The following PTPRO variants were observed in gnomAD, a reference collection of about 807,000 sequenced individuals.
PTPRO encodes protein tyrosine phosphatase receptor type O, also known as receptor-type tyrosine-protein phosphatase O.
Under a neutral mutation model 145.2 loss-of-function variants are expected in PTPRO, and 62 were observed. The observed-to-expected ratio is 0.43, with a 90% CI of 0.35 to 0.53. The LOEUF (loss-of-function observed/expected upper bound fraction) is 0.53. Ranked by LOEUF, PTPRO falls within the 20% of genes least tolerant of loss-of-function variation. PTPRO has a pLI of 0.01. For missense variants in PTPRO, 1,345 were observed against 1,482.7 expected (o/e 0.91, Z 1.53); for synonymous variants, 565 against 514.7 (o/e 1.10, Z -1.32).
intron 7 of PTPRO, 80 bp from the exon 8 acceptor site, chr12:15,515,418 C>T (rs1942556122): frequency 1.3e-6 from 2 of 1,558,528 alleles, no homozygotes; most frequent in Non-Finnish European, 1.8e-6. Context: ...CAAAAAGAGT[C>T]TCTGAATATT....
intron 1 of PTPRO, among the ~76,000 whole-genome samples, chr12:15,352,660 AAAAAAAAAG>A (rs200325759): frequency 0.2 from 28,937 of 146,334 alleles, 3,124 homozygotes; most frequent in Non-Finnish European, 0.27. Flanking sequence ...AAAAAAAAAA[AAAAAAAAAG>A]AAAGAAAGAA....
chr12:15,413,082 C>A (rs973827176), intron 1 of PTPRO, among the ~76,000 whole-genome samples: 4 of 152,070 alleles, frequency 2.6e-5, no homozygotes, highest in Admixed American at 6.5e-5. Flanking sequence ...CGTGAGCCAC[C>A]ATGCCCGGCC....
At chr12:15,560,144 C>G in intron 16 of PTPRO, 49 bp from the exon 17 acceptor site, 2 of 1,373,310 alleles carry the variant, frequency 1.5e-6, no homozygotes, top group Non-Finnish European at 2.1e-6. Flanking sequence ...ATATTACTAA[C>G]TCTTGCAACT....
At chr12:15,357,004 G>A (rs571488053) in intron 1 of PTPRO, among the ~76,000 whole-genome samples, 64 of 152,258 alleles carry the variant, frequency 4.2e-4, no homozygotes, top group African/African-American at 1.5e-3. Flanking sequence ...CGCAGCCACT[G>A]TGGGGGTGGC....
intron 1 of PTPRO, among the ~76,000 whole-genome samples, chr12:15,331,281 A>G (rs776150919): frequency 6.6e-6 from 1 of 152,114 alleles, no homozygotes; most frequent in Non-Finnish European, 1.5e-5. Context: ...AAATATCTTT[A>G]TATTAGGAAA....
chr12:15,494,706 A>G (rs2136457558), intron 2 of PTPRO, among the ~76,000 whole-genome samples: 1 of 152,288 alleles, frequency 6.6e-6, no homozygotes, highest in South Asian at 2.1e-4. Flanking sequence ...GGAAAATAAA[A>G]TATCTGTTCT....
Position 15,497,691 on chromosome 12 carries a change from A to G in PTPRO, c.508+288A>G, listed in dbSNP as rs79334947. On this transcript the variant is annotated intron_variant, in intron 3 of 26. Transcript: ENST00000281171. ...AGGCAGCATGCCTGGTGCAGGAAAT[A>G]AATTCAGACTTAAGTTTAGAAGCAC... 4.4e-3 allele frequency among the ~76,000 whole-genome samples: 665 copies of G among 152,352 alleles called. 3 individuals are homozygous for G. Among genetic ancestry groups the G allele is most frequent in the African/African-American group, 0.015 (640 of 41,582 alleles).
intron 1 of PTPRO, among the ~76,000 whole-genome samples, chr12:15,405,546 T>C (rs1939624344): frequency 6.6e-6 from 1 of 152,196 alleles, no homozygotes. Flanking sequence ...CATTATTTTC[T>C]AATTACCTAT....
At chr12:15,484,863 C>T (rs747266227) in intron 2 of PTPRO, among the ~76,000 whole-genome samples, 1 of 152,088 alleles carries the variant, frequency 6.6e-6, no homozygotes, top group Non-Finnish European at 1.5e-5. Context: ...ATACTTTTAA[C>T]TCCATGTGAT....
intron 1 of PTPRO, among the ~76,000 whole-genome samples, chr12:15,408,367 C>T (rs982064247): frequency 6.6e-6 from 1 of 152,086 alleles, no homozygotes; most frequent in African/African-American, 2.4e-5. Flanking sequence ...TACCTTCTTT[C>T]TTTATGTCGT....
chr12:15,352,964 A>T (rs1220479327), intron 1 of PTPRO, among the ~76,000 whole-genome samples: 1 of 152,220 alleles, frequency 6.6e-6, no homozygotes, highest in Non-Finnish European at 1.5e-5. Flanking sequence ...CCCATTAATC[A>T]TCCGGAAAAT....
chr12:15,556,264 T>A (rs1034055244), intron 15 of PTPRO, among the ~76,000 whole-genome samples: 6 of 152,206 alleles, frequency 3.9e-5, no homozygotes, highest in Non-Finnish European at 8.8e-5. Flanking sequence ...ATTATATTAG[T>A]GTATTTTTCA....
At chr12:15,339,853 T>C (rs980646813) in intron 1 of PTPRO, among the ~76,000 whole-genome samples, 1 of 152,208 alleles carries the variant, frequency 6.6e-6, no homozygotes, top group Non-Finnish European at 1.5e-5. Context: ...TAAAACTACA[T>C]GTTGCTAGCC....
At chr12:15,414,486 T>C (rs981547990) in intron 1 of PTPRO, among the ~76,000 whole-genome samples, 1 of 152,182 alleles carries the variant, frequency 6.6e-6, no homozygotes, top group African/African-American at 2.4e-5. Flanking sequence ...TTTTTCTCCC[T>C]TGCCCTAGCT....
At chr12:15,479,757 G>A (rs10846183) in intron 1 of PTPRO, among the ~76,000 whole-genome samples, 131,455 of 152,166 alleles carry the variant, frequency 0.86, 58,507 homozygotes, top group South Asian at 0.97. Flanking sequence ...TAGCAGAGAG[G>A]AAGATTTCAG....
intron 1 of PTPRO, among the ~76,000 whole-genome samples, chr12:15,416,894 G>T (rs1013752219): frequency 6.6e-6 from 1 of 151,420 alleles, no homozygotes; most frequent in Non-Finnish European, 1.5e-5. Context: ...AGTAATAATA[G>T]AAAATCAATA....
chr12:15,440,116 G>A, intron 1 of PTPRO: 1 of 636,468 alleles, frequency 1.6e-6, no homozygotes, highest in Admixed American at 2.3e-5. Context: ...TCATCCCTGA[G>A]TCCAGGAACA....
intron 1 of PTPRO, among the ~76,000 whole-genome samples, chr12:15,363,702 G>A (rs919059213): frequency 1.3e-5 from 2 of 151,988 alleles, no homozygotes; most frequent in Admixed American, 6.6e-5. Flanking sequence ...ATAAGTAAAA[G>A]CATTCATCAT....
chr12:15,414,856 C>A (rs1939902145), intron 1 of PTPRO, among the ~76,000 whole-genome samples: 1 of 152,146 alleles, frequency 6.6e-6, no homozygotes, highest in African/African-American at 2.4e-5. Context: ...CTAATAGAGT[C>A]TCTTAGAAAA....
Sources: gnomAD v4.1 joint callset for allele counts (sites outside exome capture counted in the v4.1 genomes callset) on GRCh38, gnomAD v4.1.1 for gene constraint, MANE v1.5 for transcripts, NCBI Gene and HGNC (gene_info 2026-07-23, HGNC 2026-07-21) for gene names.